The following NOS1 variants were observed in gnomAD, a reference collection of about 807,000 sequenced individuals.
NOS1 encodes nitric oxide synthase 1.
Under a neutral mutation model 164.5 loss-of-function variants are expected in NOS1, and 51 were observed. The observed-to-expected ratio is 0.31, with a 90% CI of 0.25 to 0.39. The LOEUF (loss-of-function observed/expected upper bound fraction) is 0.39. Among genes scored for constraint, NOS1 ranks in the 10% least tolerant of loss-of-function variants. The pLI, the probability that NOS1 is intolerant of heterozygous loss-of-function variation, is 1.00. For missense variants in NOS1, 1,362 were observed against 1,885.6 expected, an observed-to-expected ratio of 0.72 and a Z score of 5.14; for synonymous variants, 719 against 745.8, an observed-to-expected ratio of 0.96 and a Z score of 0.59.
At chr12:117,228,889 C>T (rs1868939450) in intron 22 of NOS1, among the ~76,000 whole-genome samples, 1 of 152,148 alleles carries the variant, frequency 6.6e-6, no homozygotes, top group Admixed American at 6.5e-5. Flanking sequence ...TCACGCCATT[C>T]TCCTGCCTCA....
intron 16 of NOS1, chr12:117,255,976 CT>C: frequency 6.7e-7 from 1 of 1,486,424 alleles, no homozygotes; most frequent in Non-Finnish European, 8.9e-7. Context: ...CCGTGGACTT[CT>C]GTGTCACCAT....
Position 117,243,398 on chromosome 12 carries a change from T to C in NOS1, c.2861A>G (p.Asn954Ser), listed in dbSNP as rs1870345791. Reference protein sequence around the residue: ...CDVFCVGDDVNIEKANNSLIS... With the variant: ...CDVFCVGDDVSIEKANNSLIS... ...GAGGGAATTGTTGGCCTTTTCAATG[T>C]TGACATCATCTCCCACACAGAAGAC... Residue 954 changes from asparagine (N) to serine (S), a missense_variant, in exon 19 of 29, where the codon AAC becomes AGC. Around this residue, in one of 4 missense-constraint regions of NOS1, gnomAD observed 737 missense variants for 1,030.3 expected, o/e 0.72. Coordinates refer to ENST00000317775, the MANE Select transcript of NOS1 (RefSeq NM_000620.5). This position sits in a 1 kb window ranked among gnomAD's most constrained non-coding sequence, Gnocchi z 4.3. The C allele has an allele frequency of 6.2e-7, 1 of 1,614,162 alleles. No individual in the cohort carries two copies. The highest frequency in any genetic ancestry group is 8.5e-7 in the Non-Finnish European group (1 of 1,180,028).
chr12:117,232,231 G>T, intron 21 of NOS1, 100 bp from the exon 22 acceptor site: 1 of 1,111,022 alleles, frequency 9.0e-7, no homozygotes, highest in Non-Finnish European at 1.3e-6. Flanking sequence ...GGCCAGGAGA[G>T]GAGGGTGGCT....
At chr12:117,300,737 C>T (rs1371011581) in intron 3 of NOS1, among the ~76,000 whole-genome samples, 12 of 152,128 alleles carry the variant, frequency 7.9e-5, no homozygotes. Flanking sequence ...GCAAGGGATA[C>T]CTGACCTAAT....
In NOS1 at chr12:117,214,118, T is replaced by A; in HGVS notation, c.*1191A>T. On this transcript the variant is annotated 3_prime_UTR_variant, in exon 29 of 29. Transcript: ENST00000317775. ...CCACGTGGGACCTCATTATGGCAAC[T>A]CTTTCCAACCTCATCCACTTTAACC... is the stretch of plus-strand genomic sequence containing the variant. 5 of 985,438 alleles carry A rather than the reference T, an allele frequency of 5.1e-6. No homozygotes were observed. Among genetic ancestry groups the A allele is most frequent in the Non-Finnish European group, 6.0e-6 (5 of 829,934 alleles). The allele number at this position is 985,438 out of a possible 1,614,324, so 61.0% of individuals were successfully genotyped here.
At chr12:117,261,936 T>C (rs1871938642) in intron 13 of NOS1, among the ~76,000 whole-genome samples, 1 of 152,036 alleles carries the variant, frequency 6.6e-6, no homozygotes, top group Non-Finnish European at 1.5e-5. Flanking sequence ...GCAGGGCGAG[T>C]TCCAGGGGCA....
chr12:117,215,500 G>A (rs1956593053), intron 28 of NOS1, among the ~76,000 whole-genome samples, 176 bp from the exon 29 acceptor site: 1 of 150,876 alleles, frequency 6.6e-6, no homozygotes, highest in Non-Finnish European at 1.5e-5. Flanking sequence ...GCAGTGGCAC[G>A]ATCCCAGCTC....
chr12:117,346,444 C>T (rs1365309652), intron 1 of NOS1, among the ~76,000 whole-genome samples: 1 of 152,196 alleles, frequency 6.6e-6, no homozygotes, highest in Non-Finnish European at 1.5e-5. Context: ...GCACTCCAGC[C>T]TGGACCACAG....
intron 17 of NOS1, among the ~76,000 whole-genome samples, chr12:117,249,822 C>G (rs965158944): frequency 1.3e-5 from 2 of 152,168 alleles, no homozygotes; most frequent in African/African-American, 2.4e-5. Flanking sequence ...GGCTGGTACA[C>G]AGTCCTTCAG....
rs1185161444 is a variant in NOS1, at chr12:117,330,434, C to A, written c.636G>T (p.Val212=). 1 of 1,614,224 alleles carries A rather than the reference C, an allele frequency of 6.2e-7. No homozygotes were observed. Among genetic ancestry groups the A allele is most frequent in the Admixed American group, 1.7e-5 (1 of 60,026 alleles). Residue 212 remains valine, a synonymous_variant, in exon 2 of 29, where the codon GTG becomes GTT. Transcript: ENST00000317775. The surrounding 1 kb of genome is among the most constrained non-coding windows in gnomAD (Gnocchi z 4.6). ...NNELLKEIEP[V]LSLLTSGSRG... ...TGCTCCCACTGGTGAGAAGGCTCAG[C>A]ACAGGCTCTATCTCCTTGAGCAGTT...
chr12:117,342,179 C>G (rs1876143681), intron 1 of NOS1, among the ~76,000 whole-genome samples: 1 of 152,032 alleles, frequency 6.6e-6, no homozygotes, highest in South Asian at 2.1e-4. Flanking sequence ...TTCCTTCATG[C>G]CAACCATTCA....
intron 9 of NOS1, among the ~76,000 whole-genome samples, chr12:117,275,869 C>T (rs2136003046): frequency 6.6e-6 from 1 of 151,974 alleles, no homozygotes; most frequent in Middle Eastern, 3.4e-3. Context: ...AGCAACTCCC[C>T]TTGATTTTAT....
chr12:117,313,453 C>T (rs530393), intron 2 of NOS1, among the ~76,000 whole-genome samples: 56,449 of 151,736 alleles, frequency 0.37, 10,862 homozygotes, highest in Middle Eastern at 0.43. Context: ...CACCACCCTG[C>T]CTGGCAATGT....
Position 117,330,041 on chromosome 12 carries a change from T to G in NOS1, c.725+304A>C, listed in dbSNP as rs1476422321. 6.6e-5 allele frequency among the ~76,000 whole-genome samples: 10 copies of G among 152,150 alleles called. No individual in the cohort carries two copies. Among genetic ancestry groups the G allele is most frequent in the Admixed American group, 5.2e-4 (8 of 15,274 alleles). ...GAAACATAGATTGCAAAAATGCAAG[T>G]AAGTTTCCTGGAGGATTATAGGGGA... On this transcript the variant is annotated intron_variant, in intron 2 of 28. Transcript: ENST00000317775. This position sits in a 1 kb window ranked among gnomAD's most constrained non-coding sequence, Gnocchi z 4.6.
chr12:117,360,982 C>T (rs1354521361), intron 1 of NOS1, among the ~76,000 whole-genome samples: 1 of 152,022 alleles, frequency 6.6e-6, no homozygotes, highest in East Asian at 1.9e-4. Context: ...CCTGAGGCCG[C>T]CCGCTAGGAG....
intron 27 of NOS1, 82 bp downstream of exon 27, chr12:117,219,993 C>T (rs1956675809): frequency 2.2e-6 from 3 of 1,374,638 alleles, no homozygotes; most frequent in Non-Finnish European, 3.0e-6. Flanking sequence ...CTCCCCTAAT[C>T]ATCAAGACAG....
At position 117,297,297 on chromosome 12, in the gene NOS1, G is replaced by A. The variant is rs182921760; in HGVS notation, c.853-6871C>T. Among the ~76,000 whole-genome samples the A allele has an allele frequency of 2.8e-3, 419 of 152,350 alleles. 2 individuals are homozygous for A. Among genetic ancestry groups the A allele is most frequent in the Non-Finnish European group, 4.7e-3 (320 of 68,036 alleles). ...GCAGCAGGACTGGAAGCAGGGAACT[G>A]AAGGTTGGGGGCTCTGGAAGTGGAA... On this transcript the variant is annotated intron_variant, in intron 3 of 28. Transcript: ENST00000317775.
At chr12:117,215,439 T>TC in intron 28 of NOS1, 115 bp from the exon 29 acceptor site, 1 of 243,804 alleles carries the variant, frequency 4.1e-6, no homozygotes, top group Non-Finnish European at 6.6e-6. Flanking sequence ...TGTCTCTTTC[T>TC]TTTTTTTTTT....
Position 117,214,367 on chromosome 12 carries a change from ACCAGGCTT to A in NOS1, c.*934_*941del. On this transcript the variant is annotated 3_prime_UTR_variant, in exon 29 of 29. Transcript: ENST00000317775. ...GCAAAGTGGGAAGATCCTTATTGCCACCAGGCTTCTTTGAACAACATAACTTCCAGGCC... is the reference window on the plus strand; with the variant it reads ...GCAAAGTGGGAAGATCCTTATTGCCACTTTGAACAACATAACTTCCAGGCC... The A allele has an allele frequency of 1.0e-6, 1 of 985,332 alleles. No homozygotes were observed. Among genetic ancestry groups the A allele is most frequent in the Non-Finnish European group, 1.2e-6 (1 of 829,940 alleles). 61.0% of individuals were successfully genotyped at this position (985,332 alleles called of 1,614,324 possible).
Sources: gnomAD v4.1 joint callset for allele counts (sites outside exome capture counted in the v4.1 genomes callset) on GRCh38, gnomAD v4.1.1 for gene constraint, gnomAD v4.1.1 regional missense constraint, Gnocchi (gnomAD v3.1) non-coding constraint, MANE v1.5 for transcripts, NCBI Gene and HGNC (gene_info 2026-07-23, HGNC 2026-07-21) for gene names.